LONP1: variants seen among roughly 807,000 people sequenced by gnomAD.
LONP1 encodes the protein lon protease homolog, mitochondrial.
In LONP1, 31 loss-of-function variants were observed where a neutral mutation model predicts 98.5. That is an observed-to-expected ratio of 0.31 (90% CI 0.24 to 0.42). The LOEUF (loss-of-function observed/expected upper bound fraction) is 0.42, where lower values mean the gene tolerates loss of function less well. Among genes scored for constraint, LONP1 ranks in the 20% least tolerant of loss-of-function variants. The pLI is 1.00. For synonymous variants in LONP1, 781 were observed against 594.7 expected, an observed-to-expected ratio of 1.31 and a Z score of -4.56; for missense variants, 1,336 against 1,350.6, an observed-to-expected ratio of 0.99 and a Z score of 0.17.
At position 5,719,707 on chromosome 19, in the gene LONP1, G is replaced by C. The variant is rs200339028; in HGVS notation, c.426C>G (p.Ile142Met). ...NPVFPRFIKI[I>M]EVKNKKLVEL... ...CCGAGGCGGGGACTCCCATTACCTC[G>C]ATAATCTTGATAAAGCGCGGGAACA... Residue 142 changes from isoleucine to methionine, a missense_variant, in exon 1 of 18, where the codon ATC becomes ATG. By Grantham distance (10) the Ile-to-Met change is conservative. Coordinates refer to ENST00000360614, the MANE Select transcript of LONP1 (RefSeq NM_004793.4). The C allele has an allele frequency of 1.6e-4, 264 of 1,613,838 alleles. 2 individuals carry two copies. The East Asian group carries it at 5.8e-3, about 35-fold the overall frequency.
chr19:5,718,876 T>C (rs187300970), intron 1 of LONP1, among the ~76,000 whole-genome samples: 1 of 152,274 alleles, frequency 6.6e-6, no homozygotes, highest in East Asian at 1.9e-4. Flanking sequence ...TGACTTGTTC[T>C]CTACAGTATT....
intron 8 of LONP1, among the ~76,000 whole-genome samples, chr19:5,701,744 G>A (rs1027644136): frequency 1.5e-4 from 23 of 151,988 alleles, no homozygotes; most frequent in East Asian, 3.9e-4. Flanking sequence ...GCCTCTGCCC[G>A]GCCGCCACCC....
intron 4 of LONP1, 96 bp downstream of exon 4, chr19:5,711,675 G>A (rs888253251): frequency 2.1e-5 from 21 of 993,158 alleles, no homozygotes; most frequent in East Asian, 2.4e-5. Context: ...AAGGGGCTCA[G>A]GGTGGGAGAT....
Position 5,705,841 on chromosome 19 carries a change from T to C in LONP1, c.1298A>G (p.His433Arg), listed in dbSNP as rs761489514. 4 of 1,614,176 alleles carry C rather than the reference T, an allele frequency of 2.5e-6. No individual in the cohort carries two copies. The highest frequency in any genetic ancestry group is 2.2e-5 in the South Asian group (2 of 91,086). Residue 433 changes from histidine to arginine, a missense_variant, in exon 8 of 18, where the codon CAC (histidine) becomes CGC (arginine). His to Arg is a conservative substitution (Grantham distance 29). Around this residue, in one of 5 missense-constraint regions of LONP1, gnomAD observed 219 missense variants for 241.0 expected, o/e 0.91. Transcript: ENST00000360614. The stretch of plus-strand genomic sequence containing the variant: ...CTCCTCGTCCACAACATCCATGACG[T>C]GCTTGGGGACCACGAGCTCCTTCAG... ...ERLKELVVPKHVMDVVDEELS... is the reference protein window; with the variant it reads ...ERLKELVVPKRVMDVVDEELS...
Position 5,711,896 on chromosome 19 carries a change from C to T in LONP1, c.745G>A (p.Glu249Lys), listed in dbSNP as rs200636537. The T allele has an allele frequency of 5.7e-5, 92 of 1,613,190 alleles. No homozygotes were observed. The highest frequency in any genetic ancestry group is 3.2e-4 in the South Asian group (29 of 91,086). Residue 249 changes from glutamate (E) to lysine (K), a missense_variant, in exon 4 of 18, where the codon GAG (glutamate) becomes AAG (lysine). Around this residue, in one of 5 missense-constraint regions of LONP1, gnomAD observed 457 missense variants for 403.1 expected, o/e 1.13. Coordinates refer to ENST00000360614, the MANE Select transcript of LONP1 (RefSeq NM_004793.4). ...SKRGKKEAED[E>K]LSARHPAELA... ...TCCGCCGGGTGCCTGGCGCTCAGCT[C>T]GTCCTCCGCCTCCTTCTTGCCCCGC...
chr19:5,696,788 T>G (rs1003183270), intron 10 of LONP1, 31 bp from the exon 11 acceptor site: 4 of 1,525,782 alleles, frequency 2.6e-6, no homozygotes, highest in African/African-American at 1.4e-5. Context: ...CAGAGGTCAC[T>G]TGGTAGCCTG....
At chr19:5,703,488 T>TG (rs2055093811) in intron 8 of LONP1, among the ~76,000 whole-genome samples, 1 of 152,010 alleles carries the variant, frequency 6.6e-6, no homozygotes, top group Non-Finnish European at 1.5e-5. Flanking sequence ...GCGGCCACTA[T>TG]GGGCCAGGAG....
At chr19:5,708,306 GC>G in intron 5 of LONP1, 35 bp downstream of exon 5, 2 of 1,600,924 alleles carry the variant, frequency 1.2e-6, no homozygotes, top group South Asian at 1.1e-5. Context: ...CTGCAGAGAT[GC>G]CCCCGCCTGG....
At chr19:5,695,772 C>T (rs916262969) in intron 13 of LONP1, among the ~76,000 whole-genome samples, 5 of 152,254 alleles carry the variant, frequency 3.3e-5, no homozygotes, top group Non-Finnish European at 5.9e-5. Flanking sequence ...GTGGGGGCCC[C>T]ACCATGGGGC....
intron 10 of LONP1, among the ~76,000 whole-genome samples, chr19:5,697,516 A>G (rs1384824128): frequency 1.5e-5 from 2 of 130,434 alleles, no homozygotes; most frequent in East Asian, 4.9e-4. Flanking sequence ...AGGGGGGGAG[A>G]GAAGAGGGAG....
At position 5,691,895 on chromosome 19, in the gene LONP1, G is replaced by C; in HGVS notation, c.*137C>G. 1.0e-6 allele frequency: 1 copy of C among 994,456 alleles called. No homozygotes were observed. Among genetic ancestry groups the C allele is most frequent in the African/African-American group, 1.6e-5 (1 of 62,382 alleles). 61.6% of individuals were successfully genotyped at this position (994,456 alleles called of 1,614,324 possible). ...GCCACACTCTGATTAAGCCGACTGAGGTCCCTGGGATCTGGGTCACTGGAC... is the reference window on the plus strand; with the variant it reads ...GCCACACTCTGATTAAGCCGACTGACGTCCCTGGGATCTGGGTCACTGGAC... On this transcript the variant is annotated 3_prime_UTR_variant, in exon 18 of 18. Transcript: ENST00000360614.
intron 8 of LONP1, 45 bp downstream of exon 8, chr19:5,705,727 G>A (rs374612104): frequency 1.9e-6 from 3 of 1,574,168 alleles, no homozygotes; most frequent in Admixed American, 1.7e-5. Context: ...TGGGGGCTGA[G>A]GAGGGGTCAC....
rs1302194252 is a variant in LONP1, at chr19:5,696,710, T to C, written c.1733A>G (p.Lys578Arg). Reference protein sequence around the residue: ...AMPGKIIQCLKKTKTENPLIL... With the variant: ...AMPGKIIQCLRKTKTENPLIL... ...CAGGGGGTTCTCCGTCTTGGTCTTC[T>C]TCAAACACTGGATGATCTTCCCGGG... The change falls in exon 11 of 18, where the codon AAG becomes AGG. Residue 578 changes from lysine to arginine, a missense_variant. Coordinates refer to ENST00000360614, the MANE Select transcript of LONP1 (RefSeq NM_004793.4). The C allele has an allele frequency of 1.2e-6, 2 of 1,613,548 alleles. No homozygotes were observed. The highest frequency in any genetic ancestry group is 8.5e-7 in the Non-Finnish European group (1 of 1,179,962).
intron 8 of LONP1, among the ~76,000 whole-genome samples, chr19:5,704,011 GCCT>G (rs2055103442): frequency 6.6e-6 from 1 of 152,182 alleles, no homozygotes; most frequent in Admixed American, 6.5e-5. Context: ...GGCGGCACAG[GCCT>G]CTCACATGGC....
Position 5,706,090 on chromosome 19 carries a change from CAG to C in LONP1, c.1147-100_1147-99del, listed in dbSNP as rs551130477. The C allele has an allele frequency of 2.3e-3, 1,798 of 780,992 alleles. 1 individual carries two copies. Among genetic ancestry groups the C allele is most frequent in the Non-Finnish European group, 3.3e-3 (1,527 of 467,232 alleles). 48.4% of individuals were successfully genotyped at this position (780,992 alleles called of 1,614,324 possible). On this transcript the variant is annotated intron_variant, in intron 7 of 17. Coordinates refer to ENST00000360614, the MANE Select transcript of LONP1 (RefSeq NM_004793.4). ...GGGGACCCTCTGCTCCCCCAGGACT[CAG>C]AGAGAAAAGAAACGAAACCCAGAGC...
chr19:5,707,152 A>G lies in LONP1; in HGVS notation c.1063-9T>C. ...TACAGCCGCTTAGGAATCTGCCGAG[A>G]CAGGGAGGACAGAAAGGATGAGCAG... is the stretch of plus-strand genomic sequence containing the variant. On this transcript the variant is annotated splice_polypyrimidine_tract_variant and intron_variant, in intron 6 of 17. Coordinates refer to ENST00000360614, the MANE Select transcript of LONP1 (RefSeq NM_004793.4). 6.2e-7 allele frequency: 1 copy of G among 1,611,278 alleles called. No homozygotes were observed. The highest frequency in any genetic ancestry group is 8.5e-7 in the Non-Finnish European group (1 of 1,178,616).
chr19:5,698,598 G>A lies in LONP1; in HGVS notation c.1685+429C>T, dbSNP rs535092874. Among the ~76,000 whole-genome samples, 25 of 152,296 alleles carry A rather than the reference G, an allele frequency of 1.6e-4. No individual in the cohort carries two copies. The South Asian group carries it at 1.9e-3, about 11-fold the overall frequency. ...CGCGGCCCGGTCCTCACTGGAGACC[G>A]TCTCTCCTGACTCCAGCCCACAGGC... On this transcript the variant is annotated intron_variant, in intron 10 of 17. Transcript: ENST00000360614.
chr19:5,695,372 G>A (rs1231037340), intron 13 of LONP1, among the ~76,000 whole-genome samples: 2 of 152,056 alleles, frequency 1.3e-5, no homozygotes, highest in South Asian at 2.1e-4. Flanking sequence ...AGCCATGCAA[G>A]CCACTCTACA....
At position 5,693,451 on chromosome 19, in the gene LONP1, G is replaced by A. The variant is rs770074394; in HGVS notation, c.2550C>T (p.Pro850=). 6.2e-7 allele frequency: 1 copy of A among 1,611,346 alleles called. No homozygotes were observed. The highest frequency in any genetic ancestry group is 1.7e-5 in the Admixed American group (1 of 59,970). Residue 850 remains proline, a synonymous_variant, in exon 17 of 18, where the codon CCC becomes CCT. Coordinates refer to ENST00000360614, the MANE Select transcript of LONP1 (RefSeq NM_004793.4). ...IHLHVPEGAT[P]KDGPSAGCTI... is the part of the protein sequence containing the mutation. ...TGCAGCCTGCGCTTGGGCCGTCCTT[G>A]GGGGTGGCGCCCTGTGGAGGCATGT...
Sources: allele counts gnomAD v4.1 joint callset (sites outside exome capture counted in the v4.1 genomes callset), GRCh38; gene constraint gnomAD v4.1.1; regional missense constraint gnomAD v4.1.1; transcripts MANE v1.5; gene names NCBI Gene and HGNC (gene_info 2026-07-23, HGNC 2026-07-21).